MAN1B1: variants seen among roughly 807,000 people sequenced by gnomAD.
MAN1B1 encodes the protein mannosidase alpha class 1B member 1.
A neutral mutation model predicts 75.5 loss-of-function variants in MAN1B1; 66 were observed. That is an observed-to-expected ratio of 0.87 (90% CI 0.72 to 1.07). The LOEUF (loss-of-function observed/expected upper bound fraction) is 1.07, where lower values mean the gene tolerates loss of function less well. Among genes scored for constraint, MAN1B1 ranks in the 50% least tolerant of loss-of-function variants. The pLI is 0.00. For synonymous variants in MAN1B1, 453 were observed against 382.8 expected (o/e 1.18, Z -2.14); for missense variants, 973 against 912.5 (o/e 1.07, Z -0.85).
At chr9:137,102,067 G>GT (rs1210924118) in intron 8 of MAN1B1, 1 of 446,258 alleles carries the variant, frequency 2.2e-6, no homozygotes, top group Non-Finnish European at 4.4e-6. Context: ...TGTTGCAGGA[G>GT]TACAGGTCGG....
rs75585153 is a variant in MAN1B1, at chr9:137,101,455, G to A, written c.1066-29G>A. 991 of 1,590,244 alleles carry A rather than the reference G, an allele frequency of 6.2e-4. 4 individuals are homozygous for A. In the African/African-American group the frequency reaches 0.012, roughly 19 times the overall value. On this transcript the variant is annotated intron_variant, in intron 7 of 12. Transcript: ENST00000371589. Reference sequence around the variant, plus strand: ...GACGAGGCCTCTGGGTGACCTGAACGTTGGTTCTCTACTCTGCTCATATAC... The same window carrying A: ...GACGAGGCCTCTGGGTGACCTGAACATTGGTTCTCTACTCTGCTCATATAC...
At chr9:137,101,435 G>A in intron 7 of MAN1B1, 49 bp from the exon 8 acceptor site, 1 of 1,536,618 alleles carries the variant, frequency 6.5e-7, no homozygotes, top group Non-Finnish European at 8.9e-7. Context: ...GTGTAGACGA[G>A]GCCTCTGGGT....
intron 5 of MAN1B1, among the ~76,000 whole-genome samples, chr9:137,099,343 TG>T (rs374739077): frequency 1.3e-5 from 2 of 152,254 alleles, no homozygotes; most frequent in African/African-American, 4.8e-5. Context: ...CCAGCGCCCT[TG>T]GGGCAGCCAC....
At chr9:137,101,408 C>G in intron 7 of MAN1B1, 76 bp from the exon 8 acceptor site, 2 of 1,425,988 alleles carry the variant, frequency 1.4e-6, no homozygotes, top group South Asian at 2.3e-5. Context: ...AGTGTCTCCA[C>G]TGAACTGCAT....
rs1307106295 is a variant in MAN1B1, at chr9:137,096,386, C to T, written c.615C>T (p.Val205=). The T allele has an allele frequency of 1.2e-6, 2 of 1,613,412 alleles. No individual in the cohort carries two copies. Among genetic ancestry groups the T allele is most frequent in the Non-Finnish European group, 1.7e-6 (2 of 1,179,886 alleles). ...CGGAAGGAGATCCGCAGAGGACAGT[C>T]ATCAGGTACAGAGCGCAGGGCAGGC... is the stretch of plus-strand genomic sequence containing the variant. The part of the protein sequence containing the change: ...PRPEGDPQRT[V]ISWRGAVIEP... The change falls in exon 4 of 13, where the codon GTC becomes GTT. Residue 205 remains valine (V), a synonymous_variant. Transcript: ENST00000371589.
Position 137,093,788 on chromosome 9 carries a change from C to T in MAN1B1, c.466-2449C>T, listed in dbSNP as rs567205343. Among the ~76,000 whole-genome samples, 9 of 151,902 alleles carry T rather than the reference C, an allele frequency of 5.9e-5. No homozygotes were observed. The East Asian group carries it at 9.8e-4, about 17-fold the overall frequency. On this transcript the variant is annotated intron_variant, in intron 3 of 12. Coordinates refer to ENST00000371589, the MANE Select transcript of MAN1B1 (RefSeq NM_016219.5). ...GGCGGAGGTTGCAGTGAGCCGAGAT[C>T]GCGCCACTGCACTCCAGCCTGGGCG...
Position 137,087,233 on chromosome 9 carries a change from G to GGGCT in MAN1B1, c.219+17_219+20dup, listed in dbSNP as rs1214701676. On this transcript the variant is annotated intron_variant, in intron 1 of 12. Coordinates refer to ENST00000371589, the MANE Select transcript of MAN1B1 (RefSeq NM_016219.5). ...CGTGCTGGAGGGTGAGGGTCGCGCC[G>GGGCT]GGCTGACTGGGGCCCGGGGCTGCCG... 1 of 1,558,770 alleles carries GGGCT rather than the reference G, an allele frequency of 6.4e-7. No individual in the cohort carries two copies. Among genetic ancestry groups the GGGCT allele is most frequent in the African/African-American group, 1.4e-5 (1 of 74,006 alleles).
intron 3 of MAN1B1, among the ~76,000 whole-genome samples, chr9:137,092,425 C>CA (rs1830540522): frequency 2.0e-5 from 3 of 152,110 alleles, no homozygotes; most frequent in Admixed American, 2.0e-4. Flanking sequence ...TTTGGATACA[C>CA]ACGTGTGTAC....
rs974481851 is a variant in MAN1B1, at chr9:137,099,470, A to G, written c.731-226A>G. 3.3e-5 allele frequency among the ~76,000 whole-genome samples: 5 copies of G among 152,338 alleles called. No individual in the cohort carries two copies. The East Asian group carries it at 7.7e-4, about 24-fold the overall frequency. On this transcript the variant is annotated intron_variant, in intron 5 of 12. Transcript: ENST00000371589. ...TCGGGTGACAGGTGCCATCCTGTGC[A>G]GTCTCCAGAGGTCTCAGGCCCTTGG...
In MAN1B1 at chr9:137,101,471, G is replaced by A; in HGVS notation, c.1066-13G>A. ...GACCTGAACGTTGGTTCTCTACTCT[G>A]CTCATATACCAGGAGGATTTTGGAA... On this transcript the variant is annotated splice_polypyrimidine_tract_variant and intron_variant, in intron 7 of 12. Transcript: ENST00000371589. The A allele has an allele frequency of 1.2e-6, 2 of 1,613,498 alleles. No individual in the cohort carries two copies. The highest frequency in any genetic ancestry group is 1.7e-6 in the Non-Finnish European group (2 of 1,179,874).
chr9:137,092,840 A>G (rs948132135), intron 3 of MAN1B1, among the ~76,000 whole-genome samples: 1 of 152,202 alleles, frequency 6.6e-6, no homozygotes, highest in Non-Finnish European at 1.5e-5. Flanking sequence ...AAGCAGGGAC[A>G]CTTACAGGAG....
intron 9 of MAN1B1, 66 bp downstream of exon 9, chr9:137,106,381 T>A: frequency 7.2e-7 from 1 of 1,387,768 alleles, no homozygotes; most frequent in Non-Finnish European, 9.8e-7. Flanking sequence ...CCACTCCTGC[T>A]GCCCCCAGCT....
At chr9:137,098,027 G>GC (rs1050624257) in intron 5 of MAN1B1, 90 bp downstream of exon 5, 5 of 984,510 alleles carry the variant, frequency 5.1e-6, no homozygotes, top group African/African-American at 3.2e-5. Context: ...GGTGGGTGGC[G>GC]CCCCCGCCCT....
At chr9:137,102,065 G>GCGTGC (rs1346474713) in intron 8 of MAN1B1, 3 of 456,136 alleles carry the variant, frequency 6.6e-6, no homozygotes, top group African/African-American at 6.1e-5. Context: ...GCTGTTGCAG[G>GCGTGC]AGTACAGGTC....
At chr9:137,099,158 G>C (rs1315117213) in intron 5 of MAN1B1, among the ~76,000 whole-genome samples, 1 of 152,244 alleles carries the variant, frequency 6.6e-6, no homozygotes, top group Non-Finnish European at 1.5e-5. Flanking sequence ...GGAACGAAGG[G>C]ACTGTAGCGC....
At chr9:137,101,443 G>C (rs774374980) in intron 7 of MAN1B1, 41 bp from the exon 8 acceptor site, 21 of 1,595,156 alleles carry the variant, frequency 1.3e-5, no homozygotes, top group Non-Finnish European at 1.7e-5. Flanking sequence ...GAGGCCTCTG[G>C]GTGACCTGAA....
At chr9:137,087,683 A>G (rs1014953251) in intron 1 of MAN1B1, 6 of 403,468 alleles carry the variant, frequency 1.5e-5, no homozygotes, top group African/African-American at 8.2e-5. Context: ...TGCCTGGGCT[A>G]CATCTGTGGG....
chr9:137,102,996 A>T, intron 8 of MAN1B1: 1 of 423,212 alleles, frequency 2.4e-6, no homozygotes, highest in Non-Finnish European at 4.7e-6. Flanking sequence ...GTGGTCTTAC[A>T]TTCATACTGT....
chr9:137,089,328 C>T (rs1830461229), intron 3 of MAN1B1: 2 of 409,174 alleles, frequency 4.9e-6, no homozygotes, highest in South Asian at 4.2e-5. Context: ...AGGCAGATGG[C>T]ACATGGTGTA....
Sources: gnomAD v4.1 joint callset for allele counts (sites outside exome capture counted in the v4.1 genomes callset) on GRCh38, gnomAD v4.1.1 for gene constraint, MANE v1.5 for transcripts, NCBI Gene and HGNC (gene_info 2026-07-23, HGNC 2026-07-21) for gene names.